The following SLC39A10 variants were observed in gnomAD, a reference collection of about 807,000 sequenced individuals.
SLC39A10 encodes zinc transporter ZIP10.
SLC39A10 carries 13 observed loss-of-function variants against 65.1 expected under a neutral mutation model. The observed-to-expected ratio is 0.20, with a 90% CI of 0.13 to 0.32. SLC39A10 has a LOEUF of 0.32. SLC39A10 is among the 10% of genes least tolerant of loss of function. The probability of loss-of-function intolerance (pLI) is 1.00; values close to 1 mark genes in which losing one functional copy is unlikely to be tolerated. For synonymous variants in SLC39A10, 321 were observed against 342.2 expected (o/e 0.94, Z 0.68); for missense variants, 831 against 1,018.4 (o/e 0.82, Z 2.50).
At chr2:195,654,480 T>C (rs1011683717), upstream of SLC39A10, among the ~76,000 whole-genome samples, 4 of 152,160 alleles carry the variant, frequency 2.6e-5, no homozygotes, top group Admixed American at 2.0e-4. Flanking sequence ...CTCACAAAGG[T>C]AGACTGGTCA....
intron 2 of SLC39A10, among the ~76,000 whole-genome samples, chr2:195,636,274 A>T (rs1195328979): frequency 1.3e-5 from 2 of 152,234 alleles, no homozygotes; most frequent in East Asian, 3.8e-4. Flanking sequence ...AGGCTTCTTG[A>T]CATTTTTTTC....
At chr2:195,661,357 A>G (rs1339799842) in intron 1 of SLC39A10, among the ~76,000 whole-genome samples, 1 of 152,216 alleles carries the variant, frequency 6.6e-6, no homozygotes, top group African/African-American at 2.4e-5. Flanking sequence ...TTAAAAGTAT[A>G]GTAGGTATGA....
chr2:195,666,684 AT>A (rs1411279089), intron 1 of SLC39A10, among the ~76,000 whole-genome samples: 2 of 152,246 alleles, frequency 1.3e-5, no homozygotes, highest in Admixed American at 6.5e-5. Context: ...ATGCTCTCAA[AT>A]TCCTGGGCTC....
intron 3 of SLC39A10, among the ~76,000 whole-genome samples, 198 bp downstream of exon 3, chr2:195,684,104 T>C (rs1360149325): frequency 6.6e-6 from 1 of 152,062 alleles, no homozygotes; most frequent in South Asian, 2.1e-4. Context: ...TATTTATCTC[T>C]TCTGGTATAT....
rs79405733 is a variant in SLC39A10, at chr2:195,675,250, T to C, written c.-11-4782T>C. 0.018 allele frequency among the ~76,000 whole-genome samples: 2,809 copies of C among 152,276 alleles called. 217 individuals carry two copies. The East Asian group carries it at 0.25, about 13-fold the overall frequency. On this transcript the variant is annotated intron_variant, in intron 1 of 9. Coordinates refer to ENST00000359634, the MANE Select transcript of SLC39A10 (RefSeq NM_020342.3). Reference sequence around the variant, plus strand: ...ATAAATCTTCCAGTTTTGAATATGATTATGCAAGGTTATCTTGGGACTCTG... The same window carrying C: ...ATAAATCTTCCAGTTTTGAATATGACTATGCAAGGTTATCTTGGGACTCTG...
chr2:195,691,625 A>G (rs947207275), intron 3 of SLC39A10, among the ~76,000 whole-genome samples: 2 of 152,084 alleles, frequency 1.3e-5, no homozygotes, highest in African/African-American at 4.8e-5. Context: ...AGTGTTGTTG[A>G]TCATTTTTCC....
intron 1 of SLC39A10, among the ~76,000 whole-genome samples, chr2:195,668,824 T>TCA (rs1689739061): frequency 6.6e-6 from 1 of 152,142 alleles, no homozygotes; most frequent in South Asian, 2.1e-4. Context: ...GCACTTTGGG[T>TCA]CACATCCCAG....
At chr2:195,690,172 T>TG (rs200733238) in intron 3 of SLC39A10, among the ~76,000 whole-genome samples, 167 of 7,008 alleles carry the variant, frequency 0.024, 10 homozygotes, top group Middle Eastern at 0.1. Flanking sequence ...TGAGACTCTC[T>TG]GAAAAAAAAA....
Position 195,728,375 on chromosome 2 carries a change from G to T in SLC39A10, c.2337+26G>T. 6.4e-7 allele frequency: 1 copy of T among 1,572,712 alleles called. No individual in the cohort carries two copies. Among genetic ancestry groups the T allele is most frequent in the African/African-American group, 1.4e-5 (1 of 73,842 alleles). ...GTAAGATATTTTATATTTTTTTGTGGTACTAAACCTGCAAATGAAAGAAAT... is the reference window on the plus strand; with the variant it reads ...GTAAGATATTTTATATTTTTTTGTGTTACTAAACCTGCAAATGAAAGAAAT... On this transcript the variant is annotated intron_variant, in intron 9 of 9. Coordinates refer to ENST00000359634, the MANE Select transcript of SLC39A10 (RefSeq NM_020342.3). The surrounding 1 kb of genome is among the most constrained non-coding windows in gnomAD (Gnocchi z 4.4).
chr2:195,719,785 ATTTTTGTTT>A (rs1342536350), intron 8 of SLC39A10, among the ~76,000 whole-genome samples: 20 of 134,474 alleles, frequency 1.5e-4, no homozygotes, highest in African/African-American at 5.2e-4. Flanking sequence ...CGCCTGGCTA[ATTTTTGTTT>A]TTTTTTTTTT....
intron 7 of SLC39A10, among the ~76,000 whole-genome samples, chr2:195,717,536 G>A (rs929823207): frequency 6.6e-6 from 1 of 151,786 alleles, no homozygotes; most frequent in African/African-American, 2.4e-5. Flanking sequence ...AGTAGGCTTT[G>A]GTTTCTTTCA....
intron 1 of SLC39A10, chr2:195,658,319 T>A (rs558142390): frequency 5.3e-5 from 8 of 152,232 alleles, no homozygotes; most frequent in African/African-American, 1.9e-4. Context: ...GGAAGAAATA[T>A]CACTGCAGAA....
chr2:195,713,377 A>G, intron 5 of SLC39A10, 56 bp from the exon 6 acceptor site: 1 of 1,382,364 alleles, frequency 7.2e-7, no homozygotes. Context: ...TATTGTTGCT[A>G]ATTGTGTCCT....
chr2:195,631,142 C>T (rs1277063406), intron 2 of SLC39A10, among the ~76,000 whole-genome samples: 1 of 151,860 alleles, frequency 6.6e-6, no homozygotes, highest in African/African-American at 2.4e-5. Context: ...GCTGAGATCA[C>T]GCCACTGCAC....
At chr2:195,695,359 C>T (rs1048920345) in intron 3 of SLC39A10, among the ~76,000 whole-genome samples, 4 of 152,184 alleles carry the variant, frequency 2.6e-5, no homozygotes, top group Non-Finnish European at 5.9e-5. Flanking sequence ...TGCTGAGTCA[C>T]ACAGGTCATC....
intron 9 of SLC39A10, 77 bp from the exon 10 acceptor site, chr2:195,734,806 A>C (rs2105854625): frequency 7.2e-7 from 1 of 1,394,296 alleles, no homozygotes; most frequent in African/African-American, 1.5e-5. Context: ...TAATTTTCTT[A>C]AGTAGGAAAA....
chr2:195,683,628 A>T, intron 2 of SLC39A10, 71 bp from the exon 3 acceptor site: 2 of 1,098,272 alleles, frequency 1.8e-6, no homozygotes, highest in Non-Finnish European at 2.7e-6. Context: ...TTTCTTAGGC[A>T]GTAATTTATT....
chr2:195,666,005 G>C (rs907097468), intron 1 of SLC39A10, among the ~76,000 whole-genome samples: 2 of 151,926 alleles, frequency 1.3e-5, no homozygotes, highest in Admixed American at 6.6e-5. Flanking sequence ...CTACTTTCCT[G>C]CACAACTTTG....
intron 3 of SLC39A10, among the ~76,000 whole-genome samples, chr2:195,686,599 G>A (rs550992330): frequency 1.3e-5 from 2 of 152,220 alleles, no homozygotes; most frequent in South Asian, 4.2e-4. Context: ...ACCATGTGCT[G>A]TACTAAACAT....
Sources: allele counts gnomAD v4.1 joint callset (sites outside exome capture counted in the v4.1 genomes callset), GRCh38; gene constraint gnomAD v4.1.1; non-coding constraint Gnocchi (gnomAD v3.1); transcripts MANE v1.5; gene names NCBI Gene and HGNC (gene_info 2026-07-23, HGNC 2026-07-21).